Variants in GRM1 observed in about 807,000 individuals in gnomAD.
GRM1 encodes the protein glutamate metabotropic receptor 1, also known as metabotropic glutamate receptor 1.
Under a neutral mutation model 90.9 loss-of-function variants are expected in GRM1, and 33 were observed. That is an observed-to-expected ratio of 0.36 (90% CI 0.28 to 0.49). The LOEUF is 0.49. Among genes scored for constraint, GRM1 ranks in the 20% least tolerant of loss-of-function variants. GRM1 has a pLI of 0.99. For synonymous variants in GRM1, 700 were observed against 613.2 expected, an observed-to-expected ratio of 1.14 and a Z score of -2.09; for missense variants, 1,190 against 1,534.3, an observed-to-expected ratio of 0.78 and a Z score of 3.75.
chr6:146,228,083 A>G (rs951192980), intron 2 of GRM1, among the ~76,000 whole-genome samples: 1 of 152,168 alleles, frequency 6.6e-6, no homozygotes, highest in African/African-American at 2.4e-5. Context: ...TATATACTAC[A>G]AAGCATTTAT....
chr6:146,186,811 G>T (rs1372780922), intron 2 of GRM1, among the ~76,000 whole-genome samples: 5 of 152,134 alleles, frequency 3.3e-5, no homozygotes, highest in African/African-American at 1.2e-4. Context: ...AGGTTTATTT[G>T]CTGTTCGCAC....
At position 146,253,778 on chromosome 6, in the gene GRM1, T is replaced by C. The variant is rs1781383464; in HGVS notation, c.951-50833T>C. On this transcript the variant is annotated intron_variant, in intron 2 of 7. Coordinates refer to ENST00000282753, the MANE Select transcript of GRM1 (RefSeq NM_001278064.2). ...AAGAACTATTCACTGACAAATCTTCTGCATAACATTATTCTGTATGTGAAA... is the reference window on the plus strand; with the variant it reads ...AAGAACTATTCACTGACAAATCTTCCGCATAACATTATTCTGTATGTGAAA... Among the ~76,000 whole-genome samples the C allele has an allele frequency of 2.6e-5, 4 of 152,180 alleles. No individual in the cohort carries two copies. The South Asian group carries it at 8.3e-4, about 32-fold the overall frequency.
At position 146,116,278 on chromosome 6, in the gene GRM1, G is replaced by T. The variant is rs542442772; in HGVS notation, c.701-43070G>T. ...GGCCCCCATTCATCAATTTAAGAGA[G>T]ATATTTATTTATTTTTTAATTCAGT... On this transcript the variant is annotated intron_variant, in intron 1 of 7. Coordinates refer to ENST00000282753, the MANE Select transcript of GRM1 (RefSeq NM_001278064.2). 1.5e-3 allele frequency among the ~76,000 whole-genome samples: 227 copies of T among 152,164 alleles called. 1 individual carries two copies. The highest frequency in any genetic ancestry group is 5.3e-3 in the African/African-American group (219 of 41,514).
At position 146,029,481 on chromosome 6, in the gene GRM1, A is replaced by G. The variant is rs1790632462; in HGVS notation, c.-37A>G. On this transcript the variant is annotated 5_prime_UTR_variant, in exon 1 of 8. Transcript: ENST00000282753. ...AGCCTGCAGCGGGACCAGCGTGGGA[A>G]CGCGGCTGGCAGGCTGTGGACCTCG... 6.6e-7 allele frequency: 1 copy of G among 1,518,994 alleles called. No individual in the cohort carries two copies. The allele number at this position is 1,518,994 out of a possible 1,614,324, so 94.1% of individuals were successfully genotyped here. A position where few individuals can be genotyped will look rare whatever the true frequency, so the allele number is the denominator to read the frequency against.
intron 5 of GRM1, among the ~76,000 whole-genome samples, chr6:146,372,701 A>G (rs1280178387): frequency 1.3e-5 from 2 of 152,128 alleles, no homozygotes; most frequent in Non-Finnish European, 1.5e-5. Flanking sequence ...CCCCAGCACC[A>G]TTTATTAAAG....
At chr6:146,260,732 G>T (rs1212803492) in intron 2 of GRM1, among the ~76,000 whole-genome samples, 1 of 136,612 alleles carries the variant, frequency 7.3e-6, no homozygotes, top group Non-Finnish European at 1.5e-5. Context: ...TCATAAATCT[G>T]TTGGCCATTT....
At chr6:146,353,508 A>C (rs1378682063) in intron 4 of GRM1, among the ~76,000 whole-genome samples, 1 of 152,170 alleles carries the variant, frequency 6.6e-6, no homozygotes, top group Non-Finnish European at 1.5e-5. Flanking sequence ...AAACTAAGGA[A>C]CTCACCTAAT....
At chr6:146,343,924 A>T (rs1298500268) in intron 3 of GRM1, among the ~76,000 whole-genome samples, 1 of 152,200 alleles carries the variant, frequency 6.6e-6, no homozygotes, top group East Asian at 1.9e-4. Flanking sequence ...ATTAGAAACC[A>T]AGATCTGGGC....
chr6:146,371,015 T>C (rs1207755750), intron 5 of GRM1, among the ~76,000 whole-genome samples: 2 of 152,142 alleles, frequency 1.3e-5, no homozygotes, highest in Non-Finnish European at 2.9e-5. Context: ...TTTATTCCAA[T>C]TGAATTCTTC....
At chr6:146,175,103 G>T (rs1209658224) in intron 2 of GRM1, among the ~76,000 whole-genome samples, 1 of 152,158 alleles carries the variant, frequency 6.6e-6, no homozygotes, top group Non-Finnish European at 1.5e-5. Context: ...TAAGTCACTA[G>T]GTCCAGCAAT....
chr6:146,408,795 A>C (rs1400275543), intron 7 of GRM1, among the ~76,000 whole-genome samples: 1 of 152,188 alleles, frequency 6.6e-6, no homozygotes, highest in South Asian at 2.1e-4. Flanking sequence ...GCTTGGCCTC[A>C]GCTAAAGAAA....
At chr6:146,396,920 C>T (rs1776959078) in intron 6 of GRM1, among the ~76,000 whole-genome samples, 1 of 152,080 alleles carries the variant, frequency 6.6e-6, no homozygotes, top group Non-Finnish European at 1.5e-5. Flanking sequence ...TATATAAAGA[C>T]CTACATGATT....
At chr6:146,360,268 CT>C (rs1775417327) in intron 5 of GRM1, among the ~76,000 whole-genome samples, 1 of 152,022 alleles carries the variant, frequency 6.6e-6, no homozygotes, top group Non-Finnish European at 1.5e-5. Flanking sequence ...AGATCATTTC[CT>C]TTGAAGTAGT....
At chr6:146,422,736 A>C (rs1331926988) in intron 7 of GRM1, among the ~76,000 whole-genome samples, 1 of 152,206 alleles carries the variant, frequency 6.6e-6, no homozygotes, top group Non-Finnish European at 1.5e-5. Context: ...AGAATGGGTG[A>C]CCTGATGTAA....
At chr6:146,371,053 C>T (rs1775881208) in intron 5 of GRM1, among the ~76,000 whole-genome samples, 1 of 152,012 alleles carries the variant, frequency 6.6e-6, no homozygotes, top group Non-Finnish European at 1.5e-5. Flanking sequence ...CTCTCATAGT[C>T]TATATTATTG....
chr6:146,305,461 AC>A (rs1783542936), intron 3 of GRM1, among the ~76,000 whole-genome samples: 1 of 152,110 alleles, frequency 6.6e-6, no homozygotes, highest in African/African-American at 2.4e-5. Context: ...CCTCCTTGCA[AC>A]CCCTAGTACT....
chr6:146,204,670 A>G (rs1380580292), intron 2 of GRM1, among the ~76,000 whole-genome samples: 2 of 152,226 alleles, frequency 1.3e-5, no homozygotes, highest in African/African-American at 2.4e-5. Flanking sequence ...AATGTTTCTT[A>G]TAAGGTTTGC....
intron 1 of GRM1, among the ~76,000 whole-genome samples, chr6:146,127,408 T>C (rs376989795): frequency 1.3e-5 from 2 of 152,070 alleles, no homozygotes; most frequent in African/African-American, 2.4e-5. Context: ...GAAGCAGAAA[T>C]AGAAGTGCCC....
intron 2 of GRM1, among the ~76,000 whole-genome samples, chr6:146,299,763 T>A (rs1460615811): frequency 6.6e-6 from 1 of 152,146 alleles, no homozygotes; most frequent in African/African-American, 2.4e-5. Flanking sequence ...TCTGCAGCAT[T>A]TGCCCTGTAA....
Sources: allele counts gnomAD v4.1 joint callset (sites outside exome capture counted in the v4.1 genomes callset), GRCh38; gene constraint gnomAD v4.1.1; transcripts MANE v1.5; gene names NCBI Gene and HGNC (gene_info 2026-07-23, HGNC 2026-07-21).